DPH6: variants seen among roughly 807,000 people sequenced by gnomAD.
DPH6 encodes diphthine--ammonia ligase.
A neutral mutation model predicts 38.2 loss-of-function variants in DPH6; 33 were observed. That is an observed-to-expected ratio of 0.86 (90% CI 0.65 to 1.15). The LOEUF is 1.15. DPH6 is among the 50% of genes most tolerant of loss of function. The pLI is 0.00. For missense variants in DPH6, 325 were observed against 320.0 expected (o/e 1.02, Z -0.12); for synonymous variants, 108 against 103.0 (o/e 1.05, Z -0.30).
At chr15:35,416,783 C>T (rs2053441812) in intron 5 of DPH6, among the ~76,000 whole-genome samples, 1 of 151,996 alleles carries the variant, frequency 6.6e-6, no homozygotes, top group Admixed American at 6.6e-5. Flanking sequence ...GTCCATATGC[C>T]ATGTACTGCA....
chr15:35,458,291 T>C (rs953781967), intron 3 of DPH6, among the ~76,000 whole-genome samples: 1 of 151,568 alleles, frequency 6.6e-6, no homozygotes, highest in Admixed American at 6.6e-5. Context: ...CCTTCACTCA[T>C]GGGTTTTAAC....
intron 6 of DPH6, among the ~76,000 whole-genome samples, chr15:35,382,304 T>C (rs1356757236): frequency 6.6e-6 from 1 of 151,594 alleles, no homozygotes; most frequent in Non-Finnish European, 1.5e-5. Flanking sequence ...GGCATGGTGG[T>C]GGGCGCCTGC....
the DPH6 span, among the ~76,000 whole-genome samples, chr15:35,163,074 G>A: frequency 3.3e-5 from 5 of 151,914 alleles, no homozygotes; most frequent in East Asian, 1.9e-4. Flanking sequence ...CTGGATCCTC[G>A]GTGAGCAGAA....
chr15:35,418,236 T>C (rs2141007822), intron 5 of DPH6, among the ~76,000 whole-genome samples: 1 of 152,172 alleles, frequency 6.6e-6, no homozygotes, highest in South Asian at 2.1e-4. Context: ...TTATAATCAC[T>C]GAGACAATTA....
chr15:35,394,967 T>C (rs1226166541), intron 6 of DPH6, among the ~76,000 whole-genome samples: 1 of 151,306 alleles, frequency 6.6e-6, no homozygotes, highest in East Asian at 1.9e-4. Flanking sequence ...ATAACAAACC[T>C]TAGTCTTTAG....
intron 6 of DPH6, among the ~76,000 whole-genome samples, chr15:35,397,606 C>T (rs547164654): frequency 1.4e-4 from 21 of 152,082 alleles, no homozygotes; most frequent in Non-Finnish European, 2.6e-4. Context: ...ATCTGATTTA[C>T]ACAATAGAAT....
At chr15:35,187,887 A>G in the DPH6 span, among the ~76,000 whole-genome samples, 1 of 152,356 alleles carries the variant, frequency 6.6e-6, no homozygotes, top group Admixed American at 6.5e-5. Context: ...TCATGCCTGT[A>G]ATCCCAGCAC....
intron 3 of DPH6, chr15:35,237,029 C>T (rs913581359): frequency 1.1e-5 from 4 of 371,366 alleles, no homozygotes; most frequent in African/African-American, 8.2e-5. Flanking sequence ...AAGTTTTATA[C>T]TGTACATCAT....
At chr15:35,287,083 A>G (rs1349077556) in intron 3 of DPH6, among the ~76,000 whole-genome samples, 2 of 152,196 alleles carry the variant, frequency 1.3e-5, no homozygotes, top group Non-Finnish European at 2.9e-5. Flanking sequence ...AATGAAATAA[A>G]TATCGTACAG....
intron 3 of DPH6, among the ~76,000 whole-genome samples, chr15:35,515,528 T>C (rs1340703941): frequency 6.6e-6 from 1 of 151,924 alleles, no homozygotes; most frequent in African/African-American, 2.4e-5. Flanking sequence ...AAGACCATCA[T>C]GGCTAACATG....
chr15:35,312,784 C>T (rs2052155241), intron 3 of DPH6, among the ~76,000 whole-genome samples: 1 of 152,180 alleles, frequency 6.6e-6, no homozygotes, highest in Non-Finnish European at 1.5e-5. Context: ...ACTGTCCTTT[C>T]CTCATTGTAT....
At chr15:35,360,265 A>G (rs1398343321) in intron 3 of DPH6, among the ~76,000 whole-genome samples, 2 of 152,120 alleles carry the variant, frequency 1.3e-5, no homozygotes, top group Non-Finnish European at 2.9e-5. Context: ...CTGGGTCTGT[A>G]GTCAGGTACA....
intron 3 of DPH6, among the ~76,000 whole-genome samples, chr15:35,455,217 T>A (rs1409242731): frequency 2.0e-5 from 3 of 152,098 alleles, no homozygotes; most frequent in Non-Finnish European, 4.4e-5. Context: ...AGCAATGGCA[T>A]AAATAGATAA....
Position 35,304,732 on chromosome 15 carries a change from TA to T in DPH6, n.200+68788del, listed in dbSNP as rs567963876. Among the ~76,000 whole-genome samples, 67 of 149,388 alleles carry T rather than the reference TA, an allele frequency of 4.5e-4. 2 individuals are homozygous for T. In the East Asian group the frequency reaches 0.013, roughly 28 times the overall value. On this transcript the variant is annotated intron_variant and non_coding_transcript_variant, in intron 3 of 3. Transcript: ENST00000560386. ...GAAGTGACACTAACCTGAGAAGAAA[TA>T]AAAAAACAGTATGTTTAAGCCATTC...
chr15:35,455,496 G>C (rs1032782395), intron 3 of DPH6, among the ~76,000 whole-genome samples: 1 of 152,088 alleles, frequency 6.6e-6, no homozygotes, highest in Non-Finnish European at 1.5e-5. Flanking sequence ...ATTCAAGTAT[G>C]ATCAAGTTTG....
At position 35,470,359 on chromosome 15, in the gene DPH6, G is replaced by C. The variant is rs376983325; in HGVS notation, c.313-15539C>G. Among the ~76,000 whole-genome samples the C allele has an allele frequency of 7.9e-5, 12 of 151,880 alleles. No homozygotes were observed. In the East Asian group the frequency reaches 9.7e-4, roughly 12 times the overall value. On this transcript the variant is annotated intron_variant, in intron 3 of 8. Coordinates refer to ENST00000256538, the MANE Select transcript of DPH6 (RefSeq NM_080650.4). ...TGCCAAGTATCACAAAGAGGTCGAG[G>C]AATGAAAAAAATGGGGATTTAAAAA...
chr15:35,316,851 A>G (rs954230127), intron 3 of DPH6, among the ~76,000 whole-genome samples: 1 of 152,256 alleles, frequency 6.6e-6, no homozygotes, highest in African/African-American at 2.4e-5. Context: ...TCAAAGGTAT[A>G]GCAGTAAGAA....
At chr15:35,528,804 T>C (rs1314381140) in intron 3 of DPH6, among the ~76,000 whole-genome samples, 1 of 152,220 alleles carries the variant, frequency 6.6e-6, no homozygotes, top group Non-Finnish European at 1.5e-5. Flanking sequence ...TTATCTATTA[T>C]ATTCTAGGCT....
chr15:35,184,612 T>C, the DPH6 span, among the ~76,000 whole-genome samples: 2 of 152,188 alleles, frequency 1.3e-5, no homozygotes, highest in African/African-American at 4.8e-5. Context: ...CCATTTTCCA[T>C]TGTAAAAAGA....
Sources: gnomAD v4.1 joint callset for allele counts (sites outside exome capture counted in the v4.1 genomes callset) on GRCh38, gnomAD v4.1.1 for gene constraint, MANE v1.5 for transcripts, NCBI Gene and HGNC (gene_info 2026-07-23, HGNC 2026-07-21) for gene names.